PKN2: variants seen among roughly 807,000 people sequenced by gnomAD.
PKN2 encodes serine/threonine-protein kinase N2.
Under a neutral mutation model 119.1 loss-of-function variants are expected in PKN2, and 38 were observed. The ratio of observed to expected loss-of-function variants is 0.32; its 90% CI spans 0.25 to 0.42. PKN2 has a LOEUF of 0.42. Ranked by LOEUF, PKN2 falls within the 10% of genes least tolerant of loss-of-function variation. The pLI is 1.00. For missense variants in PKN2, 850 were observed against 1,165.1 expected (o/e 0.73, Z 3.94); for synonymous variants, 390 against 384.9 (o/e 1.01, Z -0.15).
chr1:88,801,005 C>G (rs562610485), intron 8 of PKN2, among the ~76,000 whole-genome samples: 5 of 152,124 alleles, frequency 3.3e-5, no homozygotes, highest in Non-Finnish European at 5.9e-5. Flanking sequence ...TTGAAATTAT[C>G]TAACAGCATG....
At chr1:88,782,663 A>G (rs1305894397) in intron 6 of PKN2, among the ~76,000 whole-genome samples, 3 of 151,878 alleles carry the variant, frequency 2.0e-5, no homozygotes, top group Non-Finnish European at 4.4e-5. Context: ...TTTAATCACT[A>G]GAAATTTGGT....
chr1:88,812,452 G>A (rs1044342899), intron 15 of PKN2, among the ~76,000 whole-genome samples: 2 of 152,094 alleles, frequency 1.3e-5, no homozygotes, highest in Non-Finnish European at 2.9e-5. Flanking sequence ...TAAAAACTAT[G>A]GACAGGGGCT....
chr1:88,759,178 C>T (rs1322071672), intron 2 of PKN2, among the ~76,000 whole-genome samples: 1 of 151,216 alleles, frequency 6.6e-6, no homozygotes, highest in African/African-American at 2.5e-5. Context: ...GCCTGACCAA[C>T]ATGGTGAAAC....
intron 1 of PKN2, among the ~76,000 whole-genome samples, chr1:88,685,573 G>A (rs1290218718): frequency 6.6e-6 from 1 of 152,124 alleles, no homozygotes; most frequent in Non-Finnish European, 1.5e-5. Flanking sequence ...TGGTGTACAT[G>A]GGGACTTAAG....
At position 88,713,636 on chromosome 1, in the gene PKN2, T is replaced by TC. The variant is rs201830142; in HGVS notation, c.49-27351dup. ...TTTTGATGGGGTTGTTTGATTTTTT[T>TC]CTTGTAAATTTGTTTAAGTTCTTTG... On this transcript the variant is annotated intron_variant, in intron 1 of 21. Transcript: ENST00000370521. Among the ~76,000 whole-genome samples, 1,521 of 152,340 alleles carry TC rather than the reference T, an allele frequency of 1.0e-2. 19 individuals are homozygous for TC. The highest frequency in any genetic ancestry group is 0.035 in the African/African-American group (1,436 of 41,558).
At position 88,832,864 on chromosome 1, in the gene PKN2, A is replaced by G. The variant is rs751241118; in HGVS notation, c.2670+13A>G. 7 of 1,434,786 alleles carry G rather than the reference A, an allele frequency of 4.9e-6. No homozygotes were observed. Among genetic ancestry groups the G allele is most frequent in the Admixed American group, 4.2e-5 (2 of 47,764 alleles). The allele number at this position is 1,434,786 out of a possible 1,614,324, so 88.9% of individuals were successfully genotyped here. ...TATAATGAGAAGGGTAAGAATTAAA[A>G]TAAGGATAAGAATTTTTTAAAGACT... On this transcript the variant is annotated intron_variant, in intron 20 of 21. Coordinates refer to ENST00000370521, the MANE Select transcript of PKN2 (RefSeq NM_006256.4).
Position 88,833,311 on chromosome 1 carries a change from C to G in PKN2, c.2818C>G (p.Arg940Gly), listed in dbSNP as rs1417855819. The G allele has an allele frequency of 6.2e-7, 1 of 1,613,256 alleles. No homozygotes were observed. Among genetic ancestry groups the G allele is most frequent in the South Asian group, 1.1e-5 (1 of 91,050 alleles). The change falls in exon 22 of 22, where the codon CGA becomes GGA. Residue 940 changes from arginine (R) to glycine (G), a missense_variant. By Grantham distance (125) the Arg-to-Gly change is moderately radical. Around this residue, in one of 9 missense-constraint regions of PKN2, gnomAD observed 95 missense variants for 150.2 expected, o/e 0.63. Transcript: ENST00000370521. ...KPPFIPTIRG[R>G]EDVSNFDDEF... The stretch of plus-strand genomic sequence containing the variant: ...ACCATTTATACCTACCATAAGAGGA[C>G]GAGAAGATGTTAGTAATTTTGATGA...
At chr1:88,726,274 A>T (rs541955143) in intron 1 of PKN2, among the ~76,000 whole-genome samples, 34 of 152,282 alleles carry the variant, frequency 2.2e-4, no homozygotes, top group African/African-American at 7.5e-4. Context: ...GGGGAAAAGC[A>T]TTTAGTTTTT....
chr1:88,690,256 A>G lies in PKN2; in HGVS notation c.48+5628A>G, dbSNP rs112965023. On this transcript the variant is annotated intron_variant, in intron 1 of 21. Transcript: ENST00000370521. The stretch of plus-strand genomic sequence containing the variant: ...TCTGCTTTTTGAATTTGGCAATGGT[A>G]AATTTTCATGCCATTCATCAGAAGC... Among the ~76,000 whole-genome samples, 8 of 152,358 alleles carry G rather than the reference A, an allele frequency of 5.3e-5. 2 individuals are homozygous for G. Among genetic ancestry groups the G allele is most frequent in the African/African-American group, 1.9e-4 (8 of 41,586 alleles).
intron 1 of PKN2, among the ~76,000 whole-genome samples, chr1:88,726,099 A>G (rs1471375787): frequency 6.6e-6 from 1 of 152,116 alleles, no homozygotes; most frequent in African/African-American, 2.4e-5. Context: ...TTTCTAGTAC[A>G]TTCCTTGGGA....
chr1:88,792,373 A>G (rs969152353), intron 8 of PKN2, among the ~76,000 whole-genome samples: 4 of 152,246 alleles, frequency 2.6e-5, no homozygotes, highest in African/African-American at 9.6e-5. Context: ...ACTGGACTCC[A>G]GCCTAGGCAA....
chr1:88,743,036 C>G (rs533380371), intron 2 of PKN2, among the ~76,000 whole-genome samples: 1 of 151,992 alleles, frequency 6.6e-6, no homozygotes, highest in Non-Finnish European at 1.5e-5. Flanking sequence ...ACTAAAAATA[C>G]GAAAATTAGT....
chr1:88,689,672 G>T (rs1184278040), intron 1 of PKN2, among the ~76,000 whole-genome samples: 1 of 152,100 alleles, frequency 6.6e-6, no homozygotes, highest in Non-Finnish European at 1.5e-5. Context: ...TTAGCCAGGT[G>T]TGGTGATGTG....
chr1:88,684,897 G>A, intron 1 of PKN2: 1 of 386,582 alleles, frequency 2.6e-6, no homozygotes, highest in Non-Finnish European at 4.6e-6. Context: ...CCCTGCTGCA[G>A]CGGGAGCCTG....
chr1:88,734,707 G>A (rs1668271379), intron 1 of PKN2, among the ~76,000 whole-genome samples: 1 of 152,024 alleles, frequency 6.6e-6, no homozygotes. Context: ...ATGGTTAGGT[G>A]ATTTTCTCTA....
At position 88,833,681 on chromosome 1, in the gene PKN2, T is replaced by C; in HGVS notation, c.*233T>C. On this transcript the variant is annotated 3_prime_UTR_variant, in exon 22 of 22. Coordinates refer to ENST00000370521, the MANE Select transcript of PKN2 (RefSeq NM_006256.4). ...GGAAACAGTTTCATGGAGTTTAAGT[T>C]GAGTGAACATCGGCCATGAAAATCC... is the stretch of plus-strand genomic sequence containing the variant. 1 of 448,664 alleles carries C rather than the reference T, an allele frequency of 2.2e-6. No homozygotes were observed. Among genetic ancestry groups the C allele is most frequent in the South Asian group, 3.9e-5 (1 of 25,674 alleles). 27.8% of individuals were successfully genotyped at this position (448,664 alleles called of 1,614,324 possible). A position where few individuals can be genotyped will look rare whatever the true frequency, so the allele number is the denominator to read the frequency against.
At chr1:88,770,838 G>GC (rs1468918101) in intron 4 of PKN2, among the ~76,000 whole-genome samples, 10 of 150,754 alleles carry the variant, frequency 6.6e-5, no homozygotes, top group Non-Finnish European at 8.9e-5. Context: ...GCCCGCCTCG[G>GC]CCCCCCAAAG....
chr1:88,685,513 T>C (rs1169487893), intron 1 of PKN2, among the ~76,000 whole-genome samples: 6 of 152,186 alleles, frequency 3.9e-5, no homozygotes, highest in African/African-American at 1.4e-4. Flanking sequence ...TTATTTCCCA[T>C]TTCCAGATAA....
intron 2 of PKN2, among the ~76,000 whole-genome samples, chr1:88,746,474 G>A (rs1263838820): frequency 2.7e-5 from 4 of 147,890 alleles, no homozygotes; most frequent in Non-Finnish European, 6.0e-5. Flanking sequence ...TCAAAAGAAG[G>A]CATATAAATG....
Sources: allele counts gnomAD v4.1 joint callset (sites outside exome capture counted in the v4.1 genomes callset), GRCh38; gene constraint gnomAD v4.1.1; regional missense constraint gnomAD v4.1.1; transcripts MANE v1.5; gene names NCBI Gene and HGNC (gene_info 2026-07-23, HGNC 2026-07-21).